The following MCC variants were observed in gnomAD, a reference collection of about 807,000 sequenced individuals.
MCC encodes the protein colorectal mutant cancer protein.
Under a neutral mutation model 116.2 loss-of-function variants are expected in MCC, and 90 were observed. The ratio of observed to expected loss-of-function variants is 0.77; its 90% CI spans 0.65 to 0.92. The LOEUF is 0.92. Ranked by LOEUF, MCC falls within the 40% of genes least tolerant of loss-of-function variation. The probability of loss-of-function intolerance (pLI) is 0.00; values close to 1 mark genes in which losing one functional copy is unlikely to be tolerated. For synonymous variants in MCC, 578 were observed against 510.5 expected, an observed-to-expected ratio of 1.13 and a Z score of -1.78; for missense variants, 1,516 against 1,312.2, an observed-to-expected ratio of 1.16 and a Z score of -2.40.
chr5:113,469,738 G>T (rs1772026284), intron 1 of MCC, among the ~76,000 whole-genome samples: 1 of 152,160 alleles, frequency 6.6e-6, no homozygotes, highest in Non-Finnish European at 1.5e-5. Flanking sequence ...GGGTATCCTT[G>T]TTAACTTTCT....
At chr5:113,436,332 T>G (rs1770864770) in intron 1 of MCC, 2 of 152,318 alleles carry the variant, frequency 1.3e-5, no homozygotes, top group African/African-American at 4.8e-5. Context: ...AATAAAATTC[T>G]AATCTCCCCA....
At chr5:113,334,443 C>T (rs993853305) in intron 3 of MCC, among the ~76,000 whole-genome samples, 4 of 150,944 alleles carry the variant, frequency 2.6e-5, no homozygotes, top group Non-Finnish European at 4.4e-5. Context: ...CGGGTTCACG[C>T]GATCTGCCCA....
At chr5:113,299,098 C>T (rs1349790405) in intron 3 of MCC, among the ~76,000 whole-genome samples, 3 of 151,788 alleles carry the variant, frequency 2.0e-5, no homozygotes, top group Admixed American at 2.0e-4. Flanking sequence ...AGCAGCCTGA[C>T]CAACATGGTG....
chr5:113,311,862 C>T (rs776963552), intron 3 of MCC, among the ~76,000 whole-genome samples: 1 of 151,400 alleles, frequency 6.6e-6, no homozygotes, highest in African/African-American at 2.4e-5. Context: ...AATCCCAGCA[C>T]TTTGGGAGGC....
intron 3 of MCC, among the ~76,000 whole-genome samples, chr5:113,239,385 A>C (rs1262754202): frequency 1.3e-5 from 2 of 152,204 alleles, no homozygotes; most frequent in East Asian, 1.9e-4. Context: ...TCTGAGAGGA[A>C]GCAGGGTACT....
At position 113,409,146 on chromosome 5, in the gene MCC, A is replaced by G. The variant is rs1017350056; in HGVS notation, c.171-23934T>C. 3.3e-5 allele frequency among the ~76,000 whole-genome samples: 5 copies of G among 152,120 alleles called. No individual in the cohort carries two copies. The South Asian group carries it at 1.0e-3, about 32-fold the overall frequency. ...ATCGAGATTCCCACTGCATTACCCT[A>G]TATTTGTCTTTCTCCTCTGCACTTA... On this transcript the variant is annotated intron_variant, in intron 1 of 18. Transcript: ENST00000408903.
chr5:113,332,054 C>T (rs1767709713), intron 3 of MCC, among the ~76,000 whole-genome samples: 1 of 151,604 alleles, frequency 6.6e-6, no homozygotes, highest in Non-Finnish European at 1.5e-5. Context: ...AGCTCTTAGA[C>T]TATAAAAAAG....
intron 1 of MCC, among the ~76,000 whole-genome samples, chr5:113,451,304 G>T (rs113567729): frequency 2.0e-5 from 3 of 152,226 alleles, no homozygotes; most frequent in Non-Finnish European, 4.4e-5. Context: ...AAGAGATGAA[G>T]AAAGAATAAC....
chr5:113,190,502 G>A (rs533819989), intron 3 of MCC, among the ~76,000 whole-genome samples: 1 of 152,098 alleles, frequency 6.6e-6, no homozygotes, highest in Non-Finnish European at 1.5e-5. Flanking sequence ...AAAGTCTCCA[G>A]ATTAAAACAA....
intron 1 of MCC, among the ~76,000 whole-genome samples, chr5:113,412,093 G>A (rs1475793516): frequency 6.6e-6 from 1 of 152,126 alleles, no homozygotes; most frequent in Admixed American, 6.5e-5. Context: ...GATGTGTGGT[G>A]TTATTTCTGA....
intron 8 of MCC, among the ~76,000 whole-genome samples, chr5:113,090,764 A>G (rs1189305872): frequency 6.6e-6 from 1 of 152,224 alleles, no homozygotes; most frequent in African/African-American, 2.4e-5. Flanking sequence ...GTACACAACA[A>G]TTGAAACTTC....
chr5:113,083,988 A>G (rs1755032105), intron 10 of MCC, 113 bp downstream of exon 10: 1 of 778,082 alleles, frequency 1.3e-6, no homozygotes, highest in East Asian at 2.5e-5. Flanking sequence ...ATTTACTATT[A>G]TAACTAACTG....
In MCC at chr5:113,420,095, C is replaced by T. The variant is rs867884565; in HGVS notation, c.171-34883G>A. ...GAAATATGTTATATGAATTATATCT[C>T]AATTGAAATAAAAAAAGAATTCATT... On this transcript the variant is annotated intron_variant, in intron 1 of 18. Coordinates refer to ENST00000408903, the MANE Select transcript of MCC (RefSeq NM_001085377.2). Among the ~76,000 whole-genome samples the T allele has an allele frequency of 1.6e-3, 214 of 129,698 alleles. 1 individual carries two copies. The highest frequency in any genetic ancestry group is 7.3e-3 in the African/African-American group (205 of 28,270). The allele number at this position is 129,698 out of a possible 152,430, so 85.1% of individuals were successfully genotyped here. A position where few individuals can be genotyped will look rare whatever the true frequency, so the allele number is the denominator to read the frequency against.
chr5:113,067,258 C>T (rs933282565), intron 13 of MCC, among the ~76,000 whole-genome samples: 3 of 152,248 alleles, frequency 2.0e-5, no homozygotes, highest in East Asian at 1.9e-4. Flanking sequence ...GCGAGGTGGG[C>T]GAGCATTCTG....
intron 3 of MCC, among the ~76,000 whole-genome samples, chr5:113,237,021 G>C (rs977204153): frequency 6.6e-6 from 1 of 152,178 alleles, no homozygotes; most frequent in African/African-American, 2.4e-5. Context: ...AAGGAAAGTG[G>C]CAACGGGGCT....
chr5:113,290,147 C>T (rs7710138), intron 3 of MCC, among the ~76,000 whole-genome samples: 3,392 of 152,244 alleles, frequency 0.022, 86 homozygotes, highest in African/African-American at 0.062. Flanking sequence ...AGAGCATCAA[C>T]GAAGAGGTGG....
At chr5:113,256,484 C>G (rs914845450) in intron 3 of MCC, among the ~76,000 whole-genome samples, 3 of 152,136 alleles carry the variant, frequency 2.0e-5, no homozygotes, top group Admixed American at 2.0e-4. Context: ...AAAAATAAAA[C>G]ATAGCTGGAG....
At chr5:113,167,969 G>A (rs1220449037) in intron 3 of MCC, among the ~76,000 whole-genome samples, 2 of 152,136 alleles carry the variant, frequency 1.3e-5, no homozygotes, top group African/African-American at 4.8e-5. Flanking sequence ...TTCAAAAATT[G>A]CCTGCAGTCT....
chr5:113,121,277 A>C (rs966604692), intron 6 of MCC, among the ~76,000 whole-genome samples: 6 of 152,112 alleles, frequency 3.9e-5, no homozygotes, highest in Non-Finnish European at 4.4e-5. Context: ...TGCAAATCTG[A>C]TTATCTCATT....
Sources: gnomAD v4.1 joint callset for allele counts (sites outside exome capture counted in the v4.1 genomes callset) on GRCh38, gnomAD v4.1.1 for gene constraint, MANE v1.5 for transcripts, NCBI Gene and HGNC (gene_info 2026-07-23, HGNC 2026-07-21) for gene names.